Variants in ZC3H3 observed in about 807,000 individuals in gnomAD.
The protein encoded by ZC3H3 is zinc finger CCCH domain-containing protein 3.
A neutral mutation model predicts 77.3 loss-of-function variants in ZC3H3; 36 were observed. The observed-to-expected ratio is 0.47, with a 90% confidence interval of 0.36 to 0.61. The LOEUF (loss-of-function observed/expected upper bound fraction) is 0.61, where lower values mean the gene tolerates loss of function less well. ZC3H3 is among the 20% of genes least tolerant of loss of function. ZC3H3 has a pLI of 0.00. For synonymous variants in ZC3H3, 626 were observed against 555.2 expected, an observed-to-expected ratio of 1.13 and a Z score of -1.79; for missense variants, 1,331 against 1,312.2, an observed-to-expected ratio of 1.01 and a Z score of -0.22.
chr8:143,447,309 T>G (rs1819884497), intron 9 of ZC3H3, among the ~76,000 whole-genome samples: 1 of 152,200 alleles, frequency 6.6e-6, no homozygotes, highest in Non-Finnish European at 1.5e-5. Flanking sequence ...AAATCAAAGC[T>G]GCCCCCTCTA....
In ZC3H3 at chr8:143,446,189, G is replaced by C. The variant is rs542554035; in HGVS notation, c.2308-5069C>G. Among the ~76,000 whole-genome samples the C allele has an allele frequency of 7.1e-4, 108 of 152,206 alleles. 1 individual carries two copies. The highest frequency in any genetic ancestry group is 1.3e-3 in the Non-Finnish European group (87 of 68,038). On this transcript the variant is annotated intron_variant, in intron 9 of 11. Transcript: ENST00000262577. ...ACAAGAAAATCACCTCCAGCTGGAT[G>C]AAAGTCTCAATGTGAAAGGTAAACA... is the stretch of plus-strand genomic sequence containing the variant.
intron 4 of ZC3H3, among the ~76,000 whole-genome samples, chr8:143,504,357 G>C (rs1027935156): frequency 6.6e-6 from 1 of 152,226 alleles, no homozygotes; most frequent in Non-Finnish European, 1.5e-5. Context: ...CCCAGGGACA[G>C]GGTCAGAGAG....
At chr8:143,496,284 T>C (rs1397591267) in intron 4 of ZC3H3, among the ~76,000 whole-genome samples, 1 of 152,308 alleles carries the variant, frequency 6.6e-6, no homozygotes, top group East Asian at 1.9e-4. Context: ...TTAGCACCAC[T>C]GACACCTGTG....
intron 4 of ZC3H3, among the ~76,000 whole-genome samples, chr8:143,483,466 TCACAGAATG>T (rs1820963809): frequency 6.6e-6 from 1 of 152,102 alleles, no homozygotes; most frequent in African/African-American, 2.4e-5. Flanking sequence ...GGACAGACAC[TCACAGAATG>T]TCCTGAGTTC....
chr8:143,442,697 T>G (rs1326196793), intron 9 of ZC3H3, among the ~76,000 whole-genome samples: 3 of 152,228 alleles, frequency 2.0e-5, no homozygotes, highest in Admixed American at 1.3e-4. Flanking sequence ...CAGTGTGAGC[T>G]GAGGTGTGGG....
chr8:143,448,597 C>T (rs1296035445), intron 9 of ZC3H3, among the ~76,000 whole-genome samples: 1 of 152,260 alleles, frequency 6.6e-6, no homozygotes, highest in East Asian at 1.9e-4. Context: ...AGCTCCGCCG[C>T]CATGGCTCTG....
At chr8:143,521,210 G>A (rs997702428) in intron 3 of ZC3H3, among the ~76,000 whole-genome samples, 1 of 152,240 alleles carries the variant, frequency 6.6e-6, no homozygotes, top group Non-Finnish European at 1.5e-5. Flanking sequence ...AAGGAGGCTG[G>A]AGACACAGGG....
At chr8:143,511,105 G>A (rs904160983) in intron 3 of ZC3H3, among the ~76,000 whole-genome samples, 2 of 152,374 alleles carry the variant, frequency 1.3e-5, no homozygotes, top group Admixed American at 6.5e-5. Flanking sequence ...TTGAGCTCTT[G>A]CACACGGCAC....
At chr8:143,446,295 T>C (rs1167682216) in intron 9 of ZC3H3, among the ~76,000 whole-genome samples, 1 of 152,170 alleles carries the variant, frequency 6.6e-6, no homozygotes, top group Non-Finnish European at 1.5e-5. Flanking sequence ...GTGCAAAATG[T>C]AAAGAAAACT....
At chr8:143,485,970 T>C (rs116258211) in intron 4 of ZC3H3, among the ~76,000 whole-genome samples, 271 of 152,288 alleles carry the variant, frequency 1.8e-3, no homozygotes, top group African/African-American at 6.2e-3. Context: ...CCAGCCACAA[T>C]GCTCACATGC....
rs1011876523 is a variant in ZC3H3, at chr8:143,523,214, G to A, written c.1561+13043C>T. Among the ~76,000 whole-genome samples the A allele has an allele frequency of 6.6e-5, 10 of 152,148 alleles. No individual in the cohort carries two copies. The East Asian group carries it at 1.5e-3, about 23-fold the overall frequency. ...GCACTCTGGTGGGCAGACCCTGGCT[G>A]GACCACCTGGCCCCCACACCTCCCA... On this transcript the variant is annotated intron_variant, in intron 3 of 11. Transcript: ENST00000262577.
intron 4 of ZC3H3, among the ~76,000 whole-genome samples, chr8:143,481,258 C>T (rs963191733): frequency 6.6e-5 from 10 of 152,220 alleles, no homozygotes; most frequent in African/African-American, 2.2e-4. Context: ...CAACACAGAC[C>T]ACAGTGGGGC....
At chr8:143,483,876 A>G (rs1282179015) in intron 4 of ZC3H3, among the ~76,000 whole-genome samples, 5 of 152,324 alleles carry the variant, frequency 3.3e-5, no homozygotes, top group Middle Eastern at 3.4e-3. Context: ...CTCCGGCACC[A>G]TGGCCAGATG....
intron 4 of ZC3H3, among the ~76,000 whole-genome samples, chr8:143,482,887 G>A (rs1563853014): frequency 1.3e-5 from 2 of 152,204 alleles, no homozygotes; most frequent in Admixed American, 1.3e-4. Flanking sequence ...GCCAGAAGAG[G>A]CAGGACCACA....
intron 3 of ZC3H3, among the ~76,000 whole-genome samples, chr8:143,522,316 T>C (rs78126732): frequency 0.027 from 4,043 of 152,334 alleles, 131 homozygotes; most frequent in African/African-American, 0.069. Context: ...TAAAAATGTA[T>C]TGGAAGCCAG....
intron 4 of ZC3H3, among the ~76,000 whole-genome samples, chr8:143,488,496 C>T (rs1821106911): frequency 1.3e-5 from 2 of 150,716 alleles, no homozygotes; most frequent in Admixed American, 1.3e-4. Flanking sequence ...ACAGCACCCG[C>T]TACACGGCCC....
Position 143,462,462 on chromosome 8 carries a change from G to A in ZC3H3, c.2307+3255C>T, listed in dbSNP as rs1269568239. Among the ~76,000 whole-genome samples the A allele has an allele frequency of 6.6e-6, 1 of 152,224 alleles. No homozygotes were observed. Among genetic ancestry groups the A allele is most frequent in the Non-Finnish European group, 1.5e-5 (1 of 68,042 alleles). ...AAAGGGCAGCACTGGCGAAAGCAAG[G>A]CACCAACAGAGAAGCGCTGTATGTG... On this transcript the variant is annotated intron_variant, in intron 9 of 11. Transcript: ENST00000262577. This position sits in a 1 kb window ranked among gnomAD's most constrained non-coding sequence, Gnocchi z 4.7.
chr8:143,478,282 C>G (rs540808058), intron 4 of ZC3H3, among the ~76,000 whole-genome samples: 91 of 152,320 alleles, frequency 6.0e-4, no homozygotes, highest in African/African-American at 2.0e-3. Context: ...CAAAGGCACC[C>G]GGATGGAGGG....
intron 4 of ZC3H3, among the ~76,000 whole-genome samples, chr8:143,480,123 G>A (rs981564517): frequency 2.0e-5 from 3 of 152,200 alleles, no homozygotes; most frequent in South Asian, 2.1e-4. Context: ...TCTGGCTCTC[G>A]ACCCTCAGGG....
Sources: allele counts gnomAD v4.1 joint callset (sites outside exome capture counted in the v4.1 genomes callset), GRCh38; gene constraint gnomAD v4.1.1; non-coding constraint Gnocchi (gnomAD v3.1); transcripts MANE v1.5; gene names NCBI Gene and HGNC (gene_info 2026-07-23, HGNC 2026-07-21).